Variants in MEIG1 observed in about 807,000 individuals in gnomAD.
MEIG1 encodes meiosis/spermiogenesis associated 1.
Under a neutral mutation model 11.3 loss-of-function variants are expected in MEIG1, and 12 were observed. That is an observed-to-expected ratio of 1.07 (90% CI 0.68 to 1.73). MEIG1 has a LOEUF of 1.73. MEIG1 is among the 40% of genes most tolerant of loss of function. The pLI is 0.00. For synonymous variants in MEIG1, 41 were observed against 33.2 expected (o/e 1.24, Z -0.81); for missense variants, 119 against 104.9 (o/e 1.13, Z -0.59).
At chr10:14,961,638 A>ATTTTTTTT (rs34536061) in intron 1 of MEIG1, among the ~76,000 whole-genome samples, 4 of 76,616 alleles carry the variant, frequency 5.2e-5, no homozygotes, top group African/African-American at 9.1e-5. Context: ...CATCCGGCTA[A>ATTTTTTTT]TTTTTTTTTT....
At chr10:14,982,091 T>A (rs1220088290) in intron 1 of MEIG1, among the ~76,000 whole-genome samples, 2 of 152,226 alleles carry the variant, frequency 1.3e-5, no homozygotes, top group African/African-American at 2.4e-5. Context: ...AATCATGCGC[T>A]GATTTTCAGG....
upstream of MEIG1, among the ~76,000 whole-genome samples, chr10:14,958,698 C>A (rs1842975748): frequency 6.6e-6 from 1 of 152,108 alleles, no homozygotes; most frequent in Non-Finnish European, 1.5e-5. Flanking sequence ...AGATCGAGAT[C>A]ATCCTGGCTA....
chr10:14,978,432 T>C (rs1843232492), intron 1 of MEIG1, among the ~76,000 whole-genome samples: 1 of 151,536 alleles, frequency 6.6e-6, no homozygotes, highest in South Asian at 2.1e-4. Context: ...AGGCGTGTGT[T>C]CCCCCCATGA....
chr10:14,966,640 AATGT>A (rs1843087970), intron 2 of MEIG1, 34 bp downstream of exon 2: 1 of 1,584,050 alleles, frequency 6.3e-7, no homozygotes, highest in Non-Finnish European at 8.6e-7. Context: ...CTCAACTCGA[AATGT>A]ATTTCTCAGA....
In MEIG1 at chr10:14,959,513, C is replaced by G. The variant is rs1251297227; in HGVS notation, c.-74C>G. ...AAGCTCCCGGGCGCCCCCGGCCTCT[C>G]CTGCTCGGCGGAACGAGGATAACCC... is the stretch of plus-strand genomic sequence containing the variant. On this transcript the variant is annotated 5_prime_UTR_variant, in exon 1 of 3. Coordinates refer to ENST00000407572, the MANE Select transcript of MEIG1 (RefSeq NM_001080836.3). 2 of 152,464 alleles carry G rather than the reference C, an allele frequency of 1.3e-5. No homozygotes were observed. The highest frequency in any genetic ancestry group is 2.9e-5 in the Non-Finnish European group (2 of 68,230). The allele number at this position is 152,464 out of a possible 1,614,324, so 9.4% of individuals were successfully genotyped here.
At chr10:14,975,218 T>C (rs1156470141), downstream of MEIG1, among the ~76,000 whole-genome samples, 1 of 151,960 alleles carries the variant, frequency 6.6e-6, no homozygotes, top group African/African-American at 2.4e-5. Context: ...GTTCCTAATA[T>C]CCGGAGGGGG....
At chr10:14,975,202 G>A (rs1843197741), downstream of MEIG1, among the ~76,000 whole-genome samples, 1 of 152,014 alleles carries the variant, frequency 6.6e-6, no homozygotes, top group South Asian at 2.1e-4. Context: ...CCCTTTCTGT[G>A]ACATTGTTCC....
rs1323673471 is a variant in MEIG1, at chr10:14,959,527, C to G, written c.-60C>G. ...CCCCGGCCTCTCCTGCTCGGCGGAA[C>G]GAGGATAACCCAGTAGAGCCGGACC... On this transcript the variant is annotated 5_prime_UTR_variant, in exon 1 of 3. Coordinates refer to ENST00000407572, the MANE Select transcript of MEIG1 (RefSeq NM_001080836.3). 1 of 152,390 alleles carries G rather than the reference C, an allele frequency of 6.6e-6. No homozygotes were observed. Among genetic ancestry groups the G allele is most frequent in the African/African-American group, 2.4e-5 (1 of 41,466 alleles). 9.4% of individuals were successfully genotyped at this position (152,390 alleles called of 1,614,324 possible).
intron 2 of MEIG1, among the ~76,000 whole-genome samples, chr10:14,972,212 A>G (rs947059044): frequency 6.6e-6 from 1 of 152,002 alleles, no homozygotes; most frequent in Non-Finnish European, 1.5e-5. Flanking sequence ...GCATTGTTTC[A>G]CCATGTTGGC....
At chr10:14,975,200 G>A (rs1843197724), downstream of MEIG1, among the ~76,000 whole-genome samples, 2 of 152,032 alleles carry the variant, frequency 1.3e-5, no homozygotes, top group Admixed American at 1.3e-4. Flanking sequence ...CACCCTTTCT[G>A]TGACATTGTT....
chr10:14,986,239 C>T (rs1253519030), intron 1 of MEIG1, among the ~76,000 whole-genome samples: 1 of 152,152 alleles, frequency 6.6e-6, no homozygotes, highest in African/African-American at 2.4e-5. Context: ...GCAGAAGAAT[C>T]GCTTGAACCC....
chr10:14,966,638 G>A (rs781239769), intron 2 of MEIG1, 32 bp downstream of exon 2: 15 of 1,583,618 alleles, frequency 9.5e-6, no homozygotes, highest in Non-Finnish European at 1.0e-5. Context: ...ACCTCAACTC[G>A]AAATGTATTT....
chr10:14,980,900 C>T lies in MEIG1; in HGVS notation n.67-5896C>T, dbSNP rs1010498184. Among the ~76,000 whole-genome samples, 7 of 152,268 alleles carry T rather than the reference C, an allele frequency of 4.6e-5. No homozygotes were observed. In the South Asian group the frequency reaches 8.3e-4, roughly 18 times the overall value. On this transcript the variant is annotated intron_variant and non_coding_transcript_variant, in intron 1 of 2. Coordinates refer to the MEIG1 transcript ENST00000467536. ...AGGTGAAGCAGCTGTCCTCAGCTGG[C>T]AGCAACCCCAACAATGTGGACGGGT... is the stretch of plus-strand genomic sequence containing the variant.
At chr10:14,984,439 T>C (rs566007983) in intron 1 of MEIG1, among the ~76,000 whole-genome samples, 1 of 152,254 alleles carries the variant, frequency 6.6e-6, no homozygotes, top group African/African-American at 2.4e-5. Flanking sequence ...GTCACAGGAC[T>C]CTACACACTG....
At chr10:14,965,814 G>T (rs1402521941) in intron 1 of MEIG1, among the ~76,000 whole-genome samples, 1 of 152,044 alleles carries the variant, frequency 6.6e-6, no homozygotes, top group Non-Finnish European at 1.5e-5. Context: ...TGGAACTCCA[G>T]TATTTGCATA....
At chr10:14,955,395 G>A (rs926292000), upstream of MEIG1, among the ~76,000 whole-genome samples, 3 of 152,150 alleles carry the variant, frequency 2.0e-5, no homozygotes, top group Non-Finnish European at 1.5e-5. Context: ...TTTCTGACCA[G>A]GGAAATCAGG....
chr10:14,965,675 TGAGAGAGA>T (rs749211535), intron 1 of MEIG1, among the ~76,000 whole-genome samples: 28 of 101,236 alleles, frequency 2.8e-4, no homozygotes, highest in Admixed American at 4.6e-4. Flanking sequence ...ATTCCCTTTT[TGAGAGAGA>T]GAGAGAGAGA....
rs1282475726 is a variant in MEIG1 at position 14,959,466 on chromosome 10, G to C, written c.-121G>C. The stretch of plus-strand genomic sequence containing the variant: ...TGCTCGCGGATCCCGAGTAGAGAAC[G>C]CAAGCACCCACGCCCGCCTGCAAGC... On this transcript the variant is annotated 5_prime_UTR_variant, in exon 1 of 3. Coordinates refer to ENST00000407572, the MANE Select transcript of MEIG1 (RefSeq NM_001080836.3). 2 of 152,754 alleles carry C rather than the reference G, an allele frequency of 1.3e-5. No individual in the cohort carries two copies. Among genetic ancestry groups the C allele is most frequent in the African/African-American group, 2.4e-5 (1 of 41,582 alleles). 9.5% of individuals were successfully genotyped at this position (152,754 alleles called of 1,614,324 possible). A position where few individuals can be genotyped will look rare whatever the true frequency, so the allele number is the denominator to read the frequency against.
chr10:14,978,743 G>A lies in MEIG1; in HGVS notation n.66+6123G>A, dbSNP rs190473633. On this transcript the variant is annotated intron_variant and non_coding_transcript_variant, in intron 1 of 2. Coordinates refer to the MEIG1 transcript ENST00000467536. ...AAAAGACATGACTCCTCATGTCACA[G>A]GGGCTGTATACCCTGTGATATTATT... Among the ~76,000 whole-genome samples, 110 of 152,094 alleles carry A rather than the reference G, an allele frequency of 7.2e-4. 1 individual carries two copies. Among genetic ancestry groups the A allele is most frequent in the African/African-American group, 2.6e-3 (107 of 41,454 alleles).
Sources: gnomAD v4.1 joint callset for allele counts (sites outside exome capture counted in the v4.1 genomes callset) on GRCh38, gnomAD v4.1.1 for gene constraint, MANE v1.5 for transcripts, NCBI Gene and HGNC (gene_info 2026-07-23, HGNC 2026-07-21) for gene names.